ABCG2: variants seen among roughly 807,000 people sequenced by gnomAD.
The protein encoded by ABCG2 is broad substrate specificity ATP-binding cassette transporter ABCG2.
Under a neutral mutation model 73.5 loss-of-function variants are expected in ABCG2, and 80 were observed. The observed-to-expected ratio is 1.09, with a 90% CI of 0.91 to 1.31. ABCG2 has a LOEUF of 1.31. Among genes scored for constraint, ABCG2 ranks in the 50% most tolerant of loss-of-function variants. ABCG2 has a pLI of 0.00. For synonymous variants in ABCG2, 269 were observed against 282.4 expected (o/e 0.95, Z 0.48); for missense variants, 796 against 786.2 (o/e 1.01, Z -0.15).
chr4:88,100,353 A>T (rs1302875006), intron 11 of ABCG2, among the ~76,000 whole-genome samples: 2 of 151,996 alleles, frequency 1.3e-5, no homozygotes, highest in Non-Finnish European at 2.9e-5. Context: ...TACCAAAAAA[A>T]TTAGCTGGGT....
At chr4:88,190,781 TACA>T (rs1420710953) in intron 1 of ABCG2, among the ~76,000 whole-genome samples, 1 of 152,178 alleles carries the variant, frequency 6.6e-6, no homozygotes, top group African/African-American at 2.4e-5. Context: ...TAAAAATATA[TACA>T]ACATGTACAC....
chr4:88,211,357 T>TTTCCCCCCCCCC (rs1560460419), intron 1 of ABCG2, among the ~76,000 whole-genome samples: 1 of 18,888 alleles, frequency 5.3e-5, no homozygotes, highest in Non-Finnish European at 1.2e-4. Context: ...GTTCAACCCC[T>TTTCCCCCCCCCC]GCCCCACCCC....
At chr4:88,203,299 T>C (rs1476420266) in intron 1 of ABCG2, among the ~76,000 whole-genome samples, 1 of 152,148 alleles carries the variant, frequency 6.6e-6, no homozygotes, top group Non-Finnish European at 1.5e-5. Flanking sequence ...TTTGCTTTTG[T>C]AAACTGTTAA....
Position 88,229,790 on chromosome 4 carries a change from A to G in ABCG2, c.-20+1204T>C, listed in dbSNP as rs144458472. Among the ~76,000 whole-genome samples, 519 of 152,110 alleles carry G rather than the reference A, an allele frequency of 3.4e-3. 3 individuals are homozygous for G. The highest frequency in any genetic ancestry group is 0.012 in the African/African-American group (485 of 41,490). ...CTTTTGGGTTAAATGCAACTTTCAG[A>G]TAACTGTAAATTGTTTGGGACAAGG... On this transcript the variant is annotated intron_variant, in intron 1 of 15. Coordinates refer to the ABCG2 transcript ENST00000515655.
chr4:88,122,399 C>T (rs1724070382), intron 5 of ABCG2, among the ~76,000 whole-genome samples: 1 of 152,146 alleles, frequency 6.6e-6, no homozygotes, highest in Non-Finnish European at 1.5e-5. Flanking sequence ...CCCACAGAGC[C>T]CAGCAAGCTA....
At chr4:88,115,624 A>G (rs1723521472) in intron 7 of ABCG2, among the ~76,000 whole-genome samples, 1 of 119,550 alleles carries the variant, frequency 8.4e-6, no homozygotes, top group African/African-American at 4.1e-5. Context: ...TCTGGGCCAA[A>G]AAAAAAAAAA....
chr4:88,117,241 G>A (rs1304927639), intron 7 of ABCG2, among the ~76,000 whole-genome samples: 1 of 151,988 alleles, frequency 6.6e-6, no homozygotes, highest in Non-Finnish European at 1.5e-5. Context: ...GATGGCTTGA[G>A]CGCGGGGGGT....
chr4:88,115,489 G>A (rs1002272290), intron 7 of ABCG2, among the ~76,000 whole-genome samples: 20 of 149,450 alleles, frequency 1.3e-4, no homozygotes, highest in Non-Finnish European at 2.7e-4. Flanking sequence ...TTGCCATGTC[G>A]GCCAGGCTGG....
intron 13 of ABCG2, among the ~76,000 whole-genome samples, chr4:88,097,182 T>C (rs1214316132): frequency 6.6e-6 from 1 of 152,160 alleles, no homozygotes; most frequent in Non-Finnish European, 1.5e-5. Flanking sequence ...TCATAATAGG[T>C]CACAAAGAAA....
intron 7 of ABCG2, 129 bp downstream of exon 7, chr4:88,117,980 A>G (rs1394980880): frequency 3.4e-6 from 3 of 874,434 alleles, no homozygotes; most frequent in Non-Finnish European, 5.0e-6. Context: ...TGGAACAAAC[A>G]CATTTTGAAG....
chr4:88,126,017 T>C (rs2725259), intron 5 of ABCG2, among the ~76,000 whole-genome samples: 149,558 of 152,288 alleles, frequency 0.98, 73,502 homozygotes, highest in East Asian at 1. Context: ...AAAAGTTTAA[T>C]AGAATACATA....
chr4:88,205,552 A>G (rs1560457130), intron 1 of ABCG2, among the ~76,000 whole-genome samples: 1 of 152,068 alleles, frequency 6.6e-6, no homozygotes. Flanking sequence ...TCATAAAGTT[A>G]CTCTTATCCT....
At chr4:88,154,103 T>G (rs985172558) in intron 1 of ABCG2, among the ~76,000 whole-genome samples, 3 of 152,150 alleles carry the variant, frequency 2.0e-5, no homozygotes, top group Middle Eastern at 3.2e-3. Flanking sequence ...GGTGGAAGTT[T>G]CAGTGGGGGA....
intron 1 of ABCG2, among the ~76,000 whole-genome samples, chr4:88,153,347 G>A (rs1405297155): frequency 6.6e-6 from 1 of 151,998 alleles, no homozygotes; most frequent in African/African-American, 2.4e-5. Context: ...ATGAGACTGG[G>A]GCCTAATAAA....
intron 1 of ABCG2, among the ~76,000 whole-genome samples, chr4:88,218,842 T>C (rs1455147895): frequency 6.6e-6 from 1 of 152,254 alleles, no homozygotes; most frequent in Non-Finnish European, 1.5e-5. Context: ...CATCATTGGT[T>C]GGTTGGTAAA....
Position 88,194,529 on chromosome 4 carries a change from G to A in ABCG2, c.-20+36465C>T, listed in dbSNP as rs376207495. Among the ~76,000 whole-genome samples, 97 of 107,148 alleles carry A rather than the reference G, an allele frequency of 9.1e-4. 1 individual carries two copies. Among genetic ancestry groups the A allele is most frequent in the African/African-American group, 2.9e-3 (81 of 27,542 alleles). 70.3% of individuals were successfully genotyped at this position (107,148 alleles called of 152,430 possible). On this transcript the variant is annotated intron_variant, in intron 1 of 15. Transcript: ENST00000515655. ...CTGGCCACTGCACTCCAGCCTGGGC[G>A]ACAGAGCCAGACTCCGTCTCAAAAA...
In ABCG2 at chr4:88,123,596, C is replaced by CGTGAAGACAAGATTA. The variant is rs1411168921; in HGVS notation, c.532-1819_532-1805dup. ...ATGAAATAAACTTAATGAAATAAAG[C>CGTGAAGACAAGATTA]GTGAAGACAAGATTAGAGAAAAAAG... On this transcript the variant is annotated intron_variant, in intron 5 of 15. Transcript: ENST00000237612. 4.6e-5 allele frequency among the ~76,000 whole-genome samples: 7 copies of CGTGAAGACAAGATTA among 151,814 alleles called. No individual in the cohort carries two copies. In the East Asian group the frequency reaches 9.7e-4, roughly 21 times the overall value.
At chr4:88,208,577 A>C (rs993982211) in intron 1 of ABCG2, among the ~76,000 whole-genome samples, 1 of 152,200 alleles carries the variant, frequency 6.6e-6, no homozygotes, top group Non-Finnish European at 1.5e-5. Flanking sequence ...CAGTTAACTG[A>C]TAACTGGGGA....
intron 1 of ABCG2, among the ~76,000 whole-genome samples, chr4:88,185,090 A>G (rs1270703317): frequency 6.6e-6 from 1 of 152,176 alleles, no homozygotes; most frequent in Non-Finnish European, 1.5e-5. Context: ...TGGATGGGCG[A>G]GGTGGCTCAC....
Sources: allele counts gnomAD v4.1 joint callset (sites outside exome capture counted in the v4.1 genomes callset), GRCh38; gene constraint gnomAD v4.1.1; transcripts MANE v1.5; gene names NCBI Gene and HGNC (gene_info 2026-07-23, HGNC 2026-07-21).